Variants in MAGI2 observed in about 807,000 individuals in gnomAD.
MAGI2 encodes membrane-associated guanylate kinase, WW and PDZ domain-containing protein 2.
A neutral mutation model predicts 133.3 loss-of-function variants in MAGI2; 35 were observed. The observed-to-expected ratio is 0.26, with a 90% CI of 0.20 to 0.35. MAGI2 has a LOEUF of 0.35. Ranked by LOEUF, MAGI2 falls within the 10% of genes least tolerant of loss-of-function variation. The pLI, the probability that MAGI2 is intolerant of heterozygous loss-of-function variation, is 1.00. For synonymous variants in MAGI2, 729 were observed against 710.6 expected (o/e 1.03, Z -0.41); for missense variants, 1,636 against 1,863.4 (o/e 0.88, Z 2.25).
At chr7:78,210,554 T>C (rs1179884246) in intron 10 of MAGI2, among the ~76,000 whole-genome samples, 1 of 152,134 alleles carries the variant, frequency 6.6e-6, no homozygotes, top group African/African-American at 2.4e-5. Context: ...TGGGTTCAAA[T>C]GTAGTTTGAA....
chr7:78,456,424 T>C (rs1789327572), intron 6 of MAGI2, among the ~76,000 whole-genome samples: 1 of 152,148 alleles, frequency 6.6e-6, no homozygotes, highest in Admixed American at 6.5e-5. Context: ...TTCAGGGACT[T>C]TTGCAGTCAT....
At chr7:78,862,504 A>C (rs1794232513) in intron 2 of MAGI2, among the ~76,000 whole-genome samples, 1 of 152,198 alleles carries the variant, frequency 6.6e-6, no homozygotes, top group South Asian at 2.1e-4. Flanking sequence ...GGGTTTTCTT[A>C]GTTGATCCTT....
intron 2 of MAGI2, among the ~76,000 whole-genome samples, chr7:78,957,001 C>T (rs774371845): frequency 3.1e-4 from 47 of 152,100 alleles, no homozygotes; most frequent in Admixed American, 3.3e-4. Flanking sequence ...CGGTAGCTCA[C>T]GCCTGTAATC....
At chr7:78,661,927 G>A (rs1298328380) in intron 2 of MAGI2, among the ~76,000 whole-genome samples, 2 of 152,106 alleles carry the variant, frequency 1.3e-5, no homozygotes, top group African/African-American at 2.4e-5. Context: ...CCAGTATAAA[G>A]GACACAGCAG....
intron 21 of MAGI2, among the ~76,000 whole-genome samples, chr7:78,047,994 T>C (rs1233729609): frequency 2.6e-5 from 4 of 152,210 alleles, no homozygotes; most frequent in African/African-American, 7.2e-5. Flanking sequence ...ACGTGTTGGC[T>C]GAAGTTTACT....
chr7:79,186,189 AAAATATATATATATATATATATATATAT>A (rs1411943344), intron 1 of MAGI2, among the ~76,000 whole-genome samples: 2 of 104,616 alleles, frequency 1.9e-5, no homozygotes, highest in Admixed American at 1.2e-4. Flanking sequence ...TTTGCCTGGG[AAAATATATATATATATATATATATATAT>A]ATATATATAT....
chr7:78,040,785 T>G (rs1810751300), intron 21 of MAGI2, among the ~76,000 whole-genome samples: 1 of 152,136 alleles, frequency 6.6e-6, no homozygotes, highest in Non-Finnish European at 1.5e-5. Flanking sequence ...TCATTACGGC[T>G]CAACTCAGGA....
chr7:78,727,926 A>T (rs1462715949), intron 2 of MAGI2, among the ~76,000 whole-genome samples: 1 of 152,214 alleles, frequency 6.6e-6, no homozygotes, highest in Non-Finnish European at 1.5e-5. Context: ...GACTGAGAGT[A>T]AAAATAAACA....
At chr7:78,522,361 T>C (rs1011586501) in intron 3 of MAGI2, among the ~76,000 whole-genome samples, 9 of 152,198 alleles carry the variant, frequency 5.9e-5, no homozygotes, top group Non-Finnish European at 1.2e-4. Context: ...GGAATAAATG[T>C]TTATTAAGTG....
chr7:78,292,022 C>A (rs921701432), intron 9 of MAGI2, among the ~76,000 whole-genome samples: 1 of 152,110 alleles, frequency 6.6e-6, no homozygotes, highest in African/African-American at 2.4e-5. Flanking sequence ...AAAACTGGCA[C>A]AAGACAGGGA....
At position 78,701,087 on chromosome 7, in the gene MAGI2, C is replaced by T. The variant is rs549929444; in HGVS notation, c.419-73848G>A. ...TTGAAATGTGGAGACTGATAAAAATCCATGTTGTCATTTCTTCAGTTTTTC... is the reference window on the plus strand; with the variant it reads ...TTGAAATGTGGAGACTGATAAAAATTCATGTTGTCATTTCTTCAGTTTTTC... On this transcript the variant is annotated intron_variant, in intron 2 of 21. Coordinates refer to ENST00000354212, the MANE Select transcript of MAGI2 (RefSeq NM_012301.4). Among the ~76,000 whole-genome samples, 80 of 151,480 alleles carry T rather than the reference C, an allele frequency of 5.3e-4. 2 individuals are homozygous for T. In the Middle Eastern group the frequency reaches 0.017, roughly 33 times the overall value.
At chr7:79,438,920 AC>A (rs1848320688) in intron 1 of MAGI2, among the ~76,000 whole-genome samples, 2 of 152,112 alleles carry the variant, frequency 1.3e-5, no homozygotes, top group African/African-American at 4.8e-5. Flanking sequence ...TTATCCACCT[AC>A]AGTATAATGT....
chr7:79,207,049 G>T (rs1390134575), intron 1 of MAGI2, among the ~76,000 whole-genome samples: 1 of 151,872 alleles, frequency 6.6e-6, no homozygotes, highest in East Asian at 1.9e-4. Flanking sequence ...ATTAGGTACA[G>T]AAGATCCCTT....
intron 2 of MAGI2, among the ~76,000 whole-genome samples, chr7:78,774,969 G>A (rs1825870307): frequency 6.6e-6 from 1 of 152,136 alleles, no homozygotes; most frequent in Non-Finnish European, 1.5e-5. Context: ...TTACTAGTCA[G>A]TAGAGGATAT....
intron 2 of MAGI2, among the ~76,000 whole-genome samples, chr7:78,943,382 C>G (rs1801143489): frequency 6.6e-6 from 1 of 152,080 alleles, no homozygotes; most frequent in Non-Finnish European, 1.5e-5. Flanking sequence ...CAAAGCAGAT[C>G]ATGAAGAATT....
chr7:78,091,668 C>T (rs960435089), intron 20 of MAGI2, among the ~76,000 whole-genome samples: 2 of 152,124 alleles, frequency 1.3e-5, no homozygotes, highest in Non-Finnish European at 2.9e-5. Flanking sequence ...AGACCAGTTG[C>T]AGGTTCCCTA....
At chr7:79,404,376 C>T (rs1473149356) in intron 1 of MAGI2, among the ~76,000 whole-genome samples, 2 of 152,068 alleles carry the variant, frequency 1.3e-5, no homozygotes, top group Admixed American at 1.3e-4. Context: ...CACTCTGTCA[C>T]CCAGGCTAGA....
At chr7:79,226,339 C>T (rs965171495) in intron 1 of MAGI2, among the ~76,000 whole-genome samples, 2 of 151,934 alleles carry the variant, frequency 1.3e-5, no homozygotes, top group Non-Finnish European at 2.9e-5. Flanking sequence ...TGAGAGTTAC[C>T]GAAGCATTGC....
chr7:79,159,078 A>T (rs1202771683), intron 1 of MAGI2, among the ~76,000 whole-genome samples: 1 of 152,122 alleles, frequency 6.6e-6, no homozygotes, highest in Non-Finnish European at 1.5e-5. Flanking sequence ...TCTATAAAGA[A>T]GTATGTTGGT....
Sources: allele counts gnomAD v4.1 joint callset (sites outside exome capture counted in the v4.1 genomes callset), GRCh38; gene constraint gnomAD v4.1.1; transcripts MANE v1.5; gene names NCBI Gene and HGNC (gene_info 2026-07-23, HGNC 2026-07-21).